EEF1A2: variants seen among roughly 807,000 people sequenced by gnomAD.
EEF1A2 encodes eukaryotic translation elongation factor 1 alpha 2.
Under a neutral mutation model 39.3 loss-of-function variants are expected in EEF1A2, and 5 were observed. The observed-to-expected ratio is 0.13, with a 90% confidence interval of 0.07 to 0.27. The LOEUF is 0.27. Ranked by LOEUF, EEF1A2 falls within the 10% of genes least tolerant of loss-of-function variation. The pLI is 1.00. For synonymous variants in EEF1A2, 287 were observed against 293.7 expected (o/e 0.98, Z 0.23); for missense variants, 218 against 681.4 (o/e 0.32, Z 7.57).
At chr20:63,488,678 G>GCGGGGCCTCCCTCACTTT (rs2082364564) in intron 7 of EEF1A2, among the ~76,000 whole-genome samples, 1 of 152,212 alleles carries the variant, frequency 6.6e-6, no homozygotes, top group South Asian at 2.1e-4. Context: ...TTCCTCACTC[G>GCGGGGCCTCCCTCACTTT]CGGGGCCTCC....
intron 5 of EEF1A2, among the ~76,000 whole-genome samples, chr20:63,491,896 G>GGAT (rs753647922): frequency 7.0e-6 from 1 of 141,974 alleles, no homozygotes; most frequent in Non-Finnish European, 1.6e-5. Flanking sequence ...ATGGATGGAT[G>GGAT]GATGGATGGA....
In EEF1A2 at chr20:63,497,907, G is replaced by A. The variant is rs542348312; in HGVS notation, c.-71-73C>T. ...GGGAGACACCAGCAGAGACTGTCCT[G>A]GCACAGGCTGGACAGGCATCCCTGC... is the stretch of plus-strand genomic sequence containing the variant. On this transcript the variant is annotated intron_variant, in intron 1 of 7. Transcript: ENST00000217182. This position sits in a 1 kb window ranked among gnomAD's most constrained non-coding sequence, Gnocchi z 7.3. 10 of 1,152,528 alleles carry A rather than the reference G, an allele frequency of 8.7e-6. No individual in the cohort carries two copies. In the African/African-American group the frequency reaches 1.4e-4, roughly 16 times the overall value. The allele number at this position is 1,152,528 out of a possible 1,614,324, so 71.4% of individuals were successfully genotyped here.
rs774512360 is a variant in EEF1A2, at chr20:63,497,683, G to A, written c.81C>T (p.Leu27=). 1 of 1,612,946 alleles carries A rather than the reference G, an allele frequency of 6.2e-7. No individual in the cohort carries two copies. The highest frequency in any genetic ancestry group is 8.5e-7 in the Non-Finnish European group (1 of 1,179,832). The change falls in exon 2 of 8, where the codon CTC becomes CTT. Residue 27 remains leucine, a synonymous_variant. Transcript: ENST00000217182. This position sits in a 1 kb window ranked among gnomAD's most constrained non-coding sequence, Gnocchi z 7.3. ...DSGKSTTTGH[L]IYKCGGIDKR... is the part of the protein sequence containing the mutation. ...TGTCAATACCTCCGCATTTGTAGAT[G>A]AGGTGGCCCGTGGTGGTGGACTTTC...
intron 5 of EEF1A2, among the ~76,000 whole-genome samples, chr20:63,492,466 A>G (rs1600905531): frequency 6.9e-6 from 1 of 143,928 alleles, no homozygotes. Context: ...GGATGGATGG[A>G]TGGAGAGATG....
intron 2 of EEF1A2, 67 bp from the exon 3 acceptor site, chr20:63,496,102 T>G: frequency 1.9e-6 from 3 of 1,575,660 alleles, no homozygotes; most frequent in Non-Finnish European, 2.6e-6. Flanking sequence ...TGGTGCGAGC[T>G]GCTTGTTACA....
In EEF1A2 at chr20:63,488,812, A is replaced by G. The variant is rs2082365356; in HGVS notation, c.1264+106T>C. The G allele has an allele frequency of 5.7e-6, 7 of 1,237,028 alleles. No individual in the cohort carries two copies. The East Asian group carries it at 1.3e-4, about 22-fold the overall frequency. 76.6% of individuals were successfully genotyped at this position (1,237,028 alleles called of 1,614,324 possible). ...TGCTCTGGGCCAAGCTCCGCAGGAA[A>G]GGGGGCCCACTGCTGTCCCCAGCGC... On this transcript the variant is annotated intron_variant, in intron 7 of 7. Transcript: ENST00000217182.
chr20:63,497,408 G>T lies in EEF1A2; in HGVS notation c.144+212C>A. The stretch of plus-strand genomic sequence containing the variant: ...CACCACAGGGCAAGTCCGGCAGCTC[G>T]ATGGCCACCCCTCCCCCACCAAGCT... On this transcript the variant is annotated intron_variant, in intron 2 of 7. Transcript: ENST00000217182. The surrounding 1 kb of genome is among the most constrained non-coding windows in gnomAD (Gnocchi z 7.3). 1 of 650,792 alleles carries T rather than the reference G, an allele frequency of 1.5e-6. No individual in the cohort carries two copies. Among genetic ancestry groups the T allele is most frequent in the East Asian group, 3.4e-5 (1 of 29,098 alleles). The allele number at this position is 650,792 out of a possible 1,614,324, so 40.3% of individuals were successfully genotyped here. A position where few individuals can be genotyped will look rare whatever the true frequency, so the allele number is the denominator to read the frequency against.
chr20:63,496,311 C>T (rs2082416768), intron 2 of EEF1A2: 2 of 492,386 alleles, frequency 4.1e-6, no homozygotes, highest in South Asian at 5.1e-5. Flanking sequence ...GTCGCTCGCT[C>T]TACGAGCGAA....
chr20:63,496,319 G>A (rs2750394), intron 2 of EEF1A2: 3 of 477,064 alleles, frequency 6.3e-6, no homozygotes, highest in South Asian at 2.6e-5. Flanking sequence ...CTCTACGAGC[G>A]AAGCCGCCAG....
rs1600903615 is a variant in EEF1A2 at position 63,490,683 on chromosome 20, G to T, written c.825C>A (p.Gly275=). ...TCACTGGCGCAAAGGTCACCACCAT[G>T]CCCGGCCGCAGGATGCCGGTCTCCA... The part of the protein sequence containing the change: ...GRVETGILRP[G]MVVTFAPVNI... Residue 275 remains glycine, a synonymous_variant, in exon 6 of 8, where the codon GGC becomes GGA. Transcript: ENST00000217182. 1 of 1,609,820 alleles carries T rather than the reference G, an allele frequency of 6.2e-7. No homozygotes were observed. The highest frequency in any genetic ancestry group is 8.5e-7 in the Non-Finnish European group (1 of 1,179,074).
At chr20:63,488,856 T>TGGG in intron 7 of EEF1A2, 62 bp downstream of exon 7, 1 of 1,561,968 alleles carries the variant, frequency 6.4e-7, no homozygotes. Flanking sequence ...CGCAGTCCTC[T>TGGG]GCCCTCAGCC....
chr20:63,494,758 G>C, intron 4 of EEF1A2, 47 bp downstream of exon 4: 1 of 1,574,510 alleles, frequency 6.4e-7, no homozygotes, highest in Non-Finnish European at 8.6e-7. Flanking sequence ...CTGGGCCAGG[G>C]GGTCCAGCCA....
chr20:63,497,407 C>G lies in EEF1A2; in HGVS notation c.144+213G>C. ...TCACCACAGGGCAAGTCCGGCAGCT[C>G]GATGGCCACCCCTCCCCCACCAAGC... is the stretch of plus-strand genomic sequence containing the variant. On this transcript the variant is annotated intron_variant, in intron 2 of 7. Transcript: ENST00000217182. This position sits in a 1 kb window ranked among gnomAD's most constrained non-coding sequence, Gnocchi z 7.3. 1 of 648,862 alleles carries G rather than the reference C, an allele frequency of 1.5e-6. No individual in the cohort carries two copies. The highest frequency in any genetic ancestry group is 2.4e-6 in the Non-Finnish European group (1 of 419,876). 40.2% of individuals were successfully genotyped at this position (648,862 alleles called of 1,614,324 possible). A position where few individuals can be genotyped will look rare whatever the true frequency, so the allele number is the denominator to read the frequency against.
chr20:63,496,283 T>C, intron 2 of EEF1A2: 2 of 548,770 alleles, frequency 3.6e-6, no homozygotes, highest in South Asian at 2.2e-5. Context: ...CACCAGCAGG[T>C]GGCGCAAGGG....
chr20:63,488,884 G>A, intron 7 of EEF1A2, 34 bp downstream of exon 7: 1 of 1,599,474 alleles, frequency 6.3e-7, no homozygotes, highest in Non-Finnish European at 8.5e-7. Context: ...GCCACAGCCT[G>A]GGGGCTGCAC....
rs1568995692 is a variant in EEF1A2 at position 63,491,964 on chromosome 20, GGA to G, written c.772+1171_772+1172del. 5.3e-3 allele frequency among the ~76,000 whole-genome samples: 316 copies of G among 59,824 alleles called. 3 individuals are homozygous for G. Among genetic ancestry groups the G allele is most frequent in the Middle Eastern group, 0.041 (3 of 74 alleles). The allele number at this position is 59,824 out of a possible 152,430, so 39.2% of individuals were successfully genotyped here. A position where few individuals can be genotyped will look rare whatever the true frequency, so the allele number is the denominator to read the frequency against. On this transcript the variant is annotated intron_variant, in intron 5 of 7. Transcript: ENST00000217182. The stretch of plus-strand genomic sequence containing the variant: ...TGGACGGACGGATGGGGAGGTGGAT[GGA>G]TGGATGGATGGATGGATGGATGGAT...
intron 4 of EEF1A2, 114 bp from the exon 5 acceptor site, chr20:63,493,401 C>T: frequency 7.8e-7 from 1 of 1,278,996 alleles, no homozygotes; most frequent in South Asian, 1.8e-5. Context: ...TTGCCTCGTG[C>T]CCTTTGAGAT....
At chr20:63,493,519 T>C (rs2145943854) in intron 4 of EEF1A2, among the ~76,000 whole-genome samples, 1 of 152,262 alleles carries the variant, frequency 6.6e-6, no homozygotes, top group South Asian at 2.1e-4. Context: ...GAAAGCACCC[T>C]TCCCAGCCCA....
At chr20:63,491,958 G>GTGGATGGATGGA (rs145650602) in intron 5 of EEF1A2, among the ~76,000 whole-genome samples, 1 of 68,450 alleles carries the variant, frequency 1.5e-5, no homozygotes, top group African/African-American at 6.9e-5. Context: ...GGATGGGGAG[G>GTGGATGGATGGA]TGGATGGATG....
Sources: gnomAD v4.1 joint callset for allele counts (sites outside exome capture counted in the v4.1 genomes callset) on GRCh38, gnomAD v4.1.1 for gene constraint, Gnocchi (gnomAD v3.1) non-coding constraint, MANE v1.5 for transcripts, NCBI Gene and HGNC (gene_info 2026-07-23, HGNC 2026-07-21) for gene names.